CSMD1: variants seen among roughly 807,000 people sequenced by gnomAD.
CSMD1 encodes the protein CUB and sushi domain-containing protein 1.
A neutral mutation model predicts 417.5 loss-of-function variants in CSMD1; 213 were observed. The observed-to-expected ratio is 0.51, with a 90% CI of 0.46 to 0.57. CSMD1 has a LOEUF of 0.57. Among genes scored for constraint, CSMD1 ranks in the 20% least tolerant of loss-of-function variants. The pLI, the probability that CSMD1 is intolerant of heterozygous loss-of-function variation, is 0.00. For synonymous variants in CSMD1, 2,862 were observed against 1,736.8 expected (o/e 1.65, Z -16.11); for missense variants, 6,923 against 4,529.7 (o/e 1.53, Z -15.17).
intron 11 of CSMD1, among the ~76,000 whole-genome samples, chr8:3,489,340 G>C (rs1292329779): frequency 6.6e-6 from 1 of 152,128 alleles, no homozygotes. Flanking sequence ...TAATAATATT[G>C]ACTATTCATT....
chr8:3,313,528 C>T (rs1033664343), intron 23 of CSMD1, among the ~76,000 whole-genome samples: 1 of 152,112 alleles, frequency 6.6e-6, no homozygotes, highest in Admixed American at 6.6e-5. Context: ...TCATCACTGG[C>T]CATCAGAGAA....
chr8:4,366,419 G>A (rs1055861576), intron 3 of CSMD1, among the ~76,000 whole-genome samples: 5 of 152,124 alleles, frequency 3.3e-5, no homozygotes, highest in Non-Finnish European at 7.4e-5. Context: ...TTGACAGAAT[G>A]ATTTATTTCC....
At chr8:4,073,981 T>A (rs1359913853) in intron 3 of CSMD1, among the ~76,000 whole-genome samples, 1 of 152,136 alleles carries the variant, frequency 6.6e-6, no homozygotes, top group Admixed American at 6.6e-5. Context: ...ATCTTTGTCA[T>A]TGGCTTTGGG....
chr8:3,375,446 T>A (rs959900585), intron 18 of CSMD1, among the ~76,000 whole-genome samples: 2 of 152,168 alleles, frequency 1.3e-5, no homozygotes, highest in Admixed American at 1.3e-4. Context: ...AATACAGTTC[T>A]ATTTGAAGTC....
intron 21 of CSMD1, among the ~76,000 whole-genome samples, chr8:3,355,880 C>T (rs1038546349): frequency 3.9e-5 from 6 of 152,092 alleles, no homozygotes; most frequent in Admixed American, 2.6e-4. Context: ...CACATGCCAA[C>T]AGGTGCCAGA....
At chr8:3,395,474 T>A (rs549924712) in intron 17 of CSMD1, among the ~76,000 whole-genome samples, 8 of 152,338 alleles carry the variant, frequency 5.3e-5, no homozygotes, top group African/African-American at 1.9e-4. Context: ...TAAATATTAT[T>A]ATAAAATAAT....
chr8:4,615,926 C>G (rs116553517), intron 2 of CSMD1, among the ~76,000 whole-genome samples: 1 of 152,096 alleles, frequency 6.6e-6, no homozygotes, highest in Non-Finnish European at 1.5e-5. Context: ...TACAGTGCCC[C>G]TTTCAAAACT....
At chr8:3,733,392 G>C (rs1472252006) in intron 6 of CSMD1, among the ~76,000 whole-genome samples, 1 of 146,934 alleles carries the variant, frequency 6.8e-6, no homozygotes, top group Non-Finnish European at 1.5e-5. Context: ...ATATTATCTG[G>C]ATTAGATGAT....
At chr8:3,100,268 G>A (rs1191438052) in intron 46 of CSMD1, among the ~76,000 whole-genome samples, 1 of 152,090 alleles carries the variant, frequency 6.6e-6, no homozygotes, top group Non-Finnish European at 1.5e-5. Flanking sequence ...TGCCCAGGCT[G>A]GTCTCCAACT....
chr8:2,997,935 C>A, intron 54 of CSMD1, 76 bp downstream of exon 54: 1 of 1,387,304 alleles, frequency 7.2e-7, no homozygotes, highest in Non-Finnish European at 9.8e-7. Flanking sequence ...TTCATGGAGA[C>A]AGGCTCTTGA....
chr8:4,072,999 C>T (rs865964978), intron 3 of CSMD1, among the ~76,000 whole-genome samples: 1 of 152,144 alleles, frequency 6.6e-6, no homozygotes, highest in African/African-American at 2.4e-5. Context: ...ACACAATATA[C>T]TCTATATGTA....
At chr8:4,934,968 A>G (rs1159249852) in intron 1 of CSMD1, among the ~76,000 whole-genome samples, 1 of 152,200 alleles carries the variant, frequency 6.6e-6, no homozygotes, top group East Asian at 1.9e-4. Context: ...GCCTATATCT[A>G]TCATCTATCA....
intron 1 of CSMD1, among the ~76,000 whole-genome samples, chr8:4,664,964 G>A (rs554640819): frequency 5.3e-5 from 8 of 152,072 alleles, no homozygotes; most frequent in African/African-American, 1.9e-4. Context: ...AAAAATTGTA[G>A]CATCTGAAAA....
intron 3 of CSMD1, among the ~76,000 whole-genome samples, chr8:4,288,862 G>A (rs182725174): frequency 6.6e-6 from 1 of 152,114 alleles, no homozygotes. Flanking sequence ...AGTATGCTAT[G>A]AATTATTTTA....
intron 11 of CSMD1, among the ~76,000 whole-genome samples, chr8:3,489,493 C>A (rs1476251679): frequency 1.3e-5 from 2 of 152,318 alleles, no homozygotes; most frequent in East Asian, 1.9e-4. Context: ...GCTCTCCATG[C>A]AGTTCCTCCA....
chr8:3,616,237 T>A (rs1049539707), intron 8 of CSMD1, among the ~76,000 whole-genome samples: 6 of 152,180 alleles, frequency 3.9e-5, no homozygotes, highest in Non-Finnish European at 7.3e-5. Context: ...TGAGAGGCAA[T>A]TGAATCATGG....
At chr8:3,386,015 T>C (rs1384280522) in intron 18 of CSMD1, among the ~76,000 whole-genome samples, 1 of 152,230 alleles carries the variant, frequency 6.6e-6, no homozygotes, top group African/African-American at 2.4e-5. Flanking sequence ...CTTACTGTCT[T>C]TCCTGCTGCA....
chr8:4,072,401 C>CAG, intron 3 of CSMD1, among the ~76,000 whole-genome samples: 1 of 152,216 alleles, frequency 6.6e-6, no homozygotes, highest in Non-Finnish European at 1.5e-5. Context: ...ATTCTATGTA[C>CAG]CAAGCATTTT....
chr8:4,212,515 G>A (rs960330699), intron 3 of CSMD1, among the ~76,000 whole-genome samples: 47 of 152,000 alleles, frequency 3.1e-4, no homozygotes, highest in African/African-American at 1.1e-3. Flanking sequence ...ATTTAGATTA[G>A]ACATTATAAA....
Sources: gnomAD v4.1 joint callset for allele counts (sites outside exome capture counted in the v4.1 genomes callset) on GRCh38, gnomAD v4.1.1 for gene constraint, MANE v1.5 for transcripts, NCBI Gene and HGNC (gene_info 2026-07-23, HGNC 2026-07-21) for gene names.